SMAP1: variants seen among roughly 807,000 people sequenced by gnomAD.
SMAP1 encodes the protein small ArfGAP 1, also known as stromal membrane-associated protein 1.
A neutral mutation model predicts 58.5 loss-of-function variants in SMAP1; 24 were observed. The ratio of observed to expected loss-of-function variants is 0.41; its 90% CI spans 0.30 to 0.58. The LOEUF (loss-of-function observed/expected upper bound fraction) is 0.58. Among genes scored for constraint, SMAP1 ranks in the 20% least tolerant of loss-of-function variants. SMAP1 has a pLI of 0.29. For missense variants in SMAP1, 563 were observed against 566.3 expected, an observed-to-expected ratio of 0.99 and a Z score of 0.06; for synonymous variants, 216 against 196.6, an observed-to-expected ratio of 1.10 and a Z score of -0.82.
At chr6:70,850,854 T>C (rs1349658862) in intron 7 of SMAP1, among the ~76,000 whole-genome samples, 2 of 152,082 alleles carry the variant, frequency 1.3e-5, no homozygotes, top group Non-Finnish European at 2.9e-5. Context: ...AAATGGGGTA[T>C]GGAATGAACT....
intron 3 of SMAP1, among the ~76,000 whole-genome samples, chr6:70,758,649 C>T (rs1221990371): frequency 6.6e-6 from 1 of 152,010 alleles, no homozygotes; most frequent in Non-Finnish European, 1.5e-5. Flanking sequence ...AGCAGAGAGA[C>T]CATGTGAAAT....
At chr6:70,716,130 G>A (rs1298718856) in intron 1 of SMAP1, among the ~76,000 whole-genome samples, 1 of 152,180 alleles carries the variant, frequency 6.6e-6, no homozygotes, top group Non-Finnish European at 1.5e-5. Flanking sequence ...TCTACTTGTT[G>A]ATGGGCATTT....
At chr6:70,788,652 C>A (rs944638227) in intron 4 of SMAP1, among the ~76,000 whole-genome samples, 2 of 151,960 alleles carry the variant, frequency 1.3e-5, no homozygotes, top group African/African-American at 4.8e-5. Flanking sequence ...AGAGGAAAGG[C>A]CCCTAGAGTT....
At position 70,696,571 on chromosome 6, in the gene SMAP1, T is replaced by C. The variant is rs1038461948; in HGVS notation, c.118+28430T>C. 6.6e-5 allele frequency among the ~76,000 whole-genome samples: 10 copies of C among 152,224 alleles called. 1 individual carries two copies. The highest frequency in any genetic ancestry group is 3.2e-3 in the Middle Eastern group (1 of 316). On this transcript the variant is annotated intron_variant, in intron 1 of 10. Transcript: ENST00000370455. ...ATAGTATCCATAGTTCTTCCTGTTA[T>C]TGATTGCTAGTTTTATTCCATCATG...
Position 70,860,440 on chromosome 6 carries a change from T to A in SMAP1, c.*106T>A. On this transcript the variant is annotated 3_prime_UTR_variant, in exon 11 of 11. Transcript: ENST00000370455. ...TGCATATTTTTTTTCTTTTTACCCATTTGTTCATATTAAGAATGATCTGAT... is the reference window on the plus strand; with the variant it reads ...TGCATATTTTTTTTCTTTTTACCCAATTGTTCATATTAAGAATGATCTGAT... 7.6e-7 allele frequency: 1 copy of A among 1,319,110 alleles called. No individual in the cohort carries two copies. Among genetic ancestry groups the A allele is most frequent in the Non-Finnish European group, 1.0e-6 (1 of 971,854 alleles). The allele number at this position is 1,319,110 out of a possible 1,614,324, so 81.7% of individuals were successfully genotyped here.
At chr6:70,849,914 C>T (rs1039718222) in intron 7 of SMAP1, among the ~76,000 whole-genome samples, 9 of 152,098 alleles carry the variant, frequency 5.9e-5, no homozygotes, top group African/African-American at 2.2e-4. Context: ...AATAAGATTA[C>T]AATCTAAGAC....
chr6:70,669,826 C>CT, intron 1 of SMAP1, among the ~76,000 whole-genome samples: 1 of 152,258 alleles, frequency 6.6e-6, no homozygotes, highest in Non-Finnish European at 1.5e-5. Context: ...CATCTACAGA[C>CT]TTTATTAAAA....
At chr6:70,697,262 T>C (rs1350399767) in intron 1 of SMAP1, among the ~76,000 whole-genome samples, 1 of 152,138 alleles carries the variant, frequency 6.6e-6, no homozygotes, top group Non-Finnish European at 1.5e-5. Flanking sequence ...TACTGCCATT[T>C]TGTTATTTGT....
At position 70,860,566 on chromosome 6, in the gene SMAP1, C is replaced by T. The variant is rs1443669105; in HGVS notation, c.*232C>T. 2 of 447,712 alleles carry T rather than the reference C, an allele frequency of 4.5e-6. No homozygotes were observed. The highest frequency in any genetic ancestry group is 7.7e-6 in the Non-Finnish European group (2 of 259,690). 27.7% of individuals were successfully genotyped at this position (447,712 alleles called of 1,614,324 possible). A position where few individuals can be genotyped will look rare whatever the true frequency, so the allele number is the denominator to read the frequency against. ...GCTTTGCTCATATTTCCCATGATTT[C>T]ATGTACTGCATTATTTGAGAAGCTG... On this transcript the variant is annotated 3_prime_UTR_variant, in exon 11 of 11. Coordinates refer to ENST00000370455, the MANE Select transcript of SMAP1 (RefSeq NM_001044305.3).
At chr6:70,786,161 T>G (rs1768017214) in intron 4 of SMAP1, among the ~76,000 whole-genome samples, 1 of 151,578 alleles carries the variant, frequency 6.6e-6, no homozygotes, top group Admixed American at 6.6e-5. Context: ...CACAAATCAA[T>G]AAATGTAATC....
chr6:70,740,196 A>T (rs2149871929), intron 2 of SMAP1, among the ~76,000 whole-genome samples: 1 of 152,158 alleles, frequency 6.6e-6, no homozygotes, highest in Non-Finnish European at 1.5e-5. Context: ...TTTTAGGAGG[A>T]AGTCCTATTC....
At chr6:70,832,260 T>C (rs1290634828) in intron 6 of SMAP1, among the ~76,000 whole-genome samples, 3 of 152,220 alleles carry the variant, frequency 2.0e-5, no homozygotes, top group African/African-American at 7.2e-5. Flanking sequence ...CTCTTTAGCT[T>C]AATGAGGTCC....
At chr6:70,782,944 T>C (rs531509805) in intron 4 of SMAP1, among the ~76,000 whole-genome samples, 1 of 152,282 alleles carries the variant, frequency 6.6e-6, no homozygotes, top group African/African-American at 2.4e-5. Flanking sequence ...GTAGTCGTTC[T>C]CCCAGCACGC....
intron 6 of SMAP1, among the ~76,000 whole-genome samples, chr6:70,808,327 G>A (rs1769226220): frequency 6.6e-6 from 1 of 152,192 alleles, no homozygotes; most frequent in East Asian, 1.9e-4. Flanking sequence ...GAACCAGATA[G>A]TAAATATTTT....
At chr6:70,705,576 T>C (rs2149832968) in intron 1 of SMAP1, among the ~76,000 whole-genome samples, 1 of 152,326 alleles carries the variant, frequency 6.6e-6, no homozygotes, top group South Asian at 2.1e-4. Flanking sequence ...ATTGAACTCT[T>C]GGCATTTTCT....
intron 1 of SMAP1, among the ~76,000 whole-genome samples, chr6:70,685,709 G>A (rs1766908261): frequency 6.6e-6 from 1 of 152,048 alleles, no homozygotes; most frequent in African/African-American, 2.4e-5. Context: ...TGTTGATTTG[G>A]GAGTTATCGG....
chr6:70,700,656 A>G (rs562844436), intron 1 of SMAP1, among the ~76,000 whole-genome samples: 245 of 152,330 alleles, frequency 1.6e-3, no homozygotes, highest in Non-Finnish European at 2.1e-3. Flanking sequence ...GTAACAGAAG[A>G]ACGACCTAAT....
chr6:70,822,452 C>T (rs1038904239), intron 6 of SMAP1, among the ~76,000 whole-genome samples: 6 of 152,130 alleles, frequency 3.9e-5, no homozygotes, highest in Non-Finnish European at 8.8e-5. Flanking sequence ...TGAATATGAT[C>T]AGTCTGCCTT....
At chr6:70,720,816 G>T (rs1768489319) in intron 1 of SMAP1, among the ~76,000 whole-genome samples, 2 of 152,178 alleles carry the variant, frequency 1.3e-5, no homozygotes, top group Admixed American at 6.5e-5. Flanking sequence ...GCTGCACACA[G>T]CATGGGGACC....
Sources: gnomAD v4.1 joint callset for allele counts (sites outside exome capture counted in the v4.1 genomes callset) on GRCh38, gnomAD v4.1.1 for gene constraint, MANE v1.5 for transcripts, NCBI Gene and HGNC (gene_info 2026-07-23, HGNC 2026-07-21) for gene names.